Variants in TPST2 observed in about 807,000 individuals in gnomAD.
The protein encoded by TPST2 is tyrosylprotein sulfotransferase 2.
In TPST2, 16 loss-of-function variants were observed where a neutral mutation model predicts 27.8. The observed-to-expected ratio is 0.58, with a 90% confidence interval of 0.39 to 0.88. The LOEUF is 0.88. Ranked by LOEUF, TPST2 falls within the 40% of genes least tolerant of loss-of-function variation. TPST2 has a pLI of 0.00. For missense variants in TPST2, 464 were observed against 543.1 expected (o/e 0.85, Z 1.45); for synonymous variants, 229 against 231.7 (o/e 0.99, Z 0.10).
In TPST2 at chr22:26,532,754, G is replaced by A. The variant is rs1418379337; in HGVS notation, c.1042-9C>T. ...TAGTCCCCTTTCAAGACCTAAGGAA[G>A]AGAAAAAGAAATATCACTATTATGA... On this transcript the variant is annotated splice_polypyrimidine_tract_variant and intron_variant, in intron 4 of 6. Transcript: ENST00000338754. 1 of 1,610,910 alleles carries A rather than the reference G, an allele frequency of 6.2e-7. No homozygotes were observed. The highest frequency in any genetic ancestry group is 8.5e-7 in the Non-Finnish European group (1 of 1,179,084).
At position 26,535,766 on chromosome 22, in the gene TPST2, C is replaced by A. The variant is rs139407626; in HGVS notation, c.1041+522G>T. On this transcript the variant is annotated intron_variant, in intron 4 of 6. Coordinates refer to ENST00000338754, the MANE Select transcript of TPST2 (RefSeq NM_003595.5). The stretch of plus-strand genomic sequence containing the variant: ...CCCAGCTTGGGCAACAGAGCAAGAC[C>A]ATGCCTCAAACAAAACAGTACAAAA... 1,833 of 303,370 alleles carry A rather than the reference C, an allele frequency of 6.0e-3. 13 individuals carry two copies. Among genetic ancestry groups the A allele is most frequent in the Non-Finnish European group, 8.4e-3 (1,309 of 155,586 alleles). The allele number at this position is 303,370 out of a possible 1,614,324, so 18.8% of individuals were successfully genotyped here.
intron 3 of TPST2, among the ~76,000 whole-genome samples, chr22:26,538,151 A>G (rs1170628225): frequency 2.0e-5 from 3 of 152,184 alleles, no homozygotes. Flanking sequence ...TTTCATCCCA[A>G]CTAAGAGGTG....
chr22:26,572,051 C>G (rs1927648879), intron 1 of TPST2, among the ~76,000 whole-genome samples: 1 of 152,120 alleles, frequency 6.6e-6, no homozygotes, highest in Admixed American at 6.5e-5. Context: ...GTGTCATGAT[C>G]AGACCCCTTC....
rs1444850654 is a variant in TPST2 at position 26,540,798 on chromosome 22, G to A, written c.833C>T (p.Ser278Phe). The part of the protein sequence containing the change: ...EDLIGKPGGV[S>F]LSKIERSTDQ... ...CAGGGGCTCCACTCACTTGGACAGGGAGACACCACCGGGCTTGCCAATGAG... is the reference window on the plus strand; with the variant it reads ...CAGGGGCTCCACTCACTTGGACAGGAAGACACCACCGGGCTTGCCAATGAG... Residue 278 changes from serine to phenylalanine, a missense_variant, in exon 3 of 7, where the codon TCC becomes TTC. Ser to Phe is a radical substitution (Grantham distance 155). Coordinates refer to ENST00000338754, the MANE Select transcript of TPST2 (RefSeq NM_003595.5). 3 of 1,587,910 alleles carry A rather than the reference G, an allele frequency of 1.9e-6. No homozygotes were observed. Among genetic ancestry groups the A allele is most frequent in the Non-Finnish European group, 2.6e-6 (3 of 1,163,898 alleles).
At chr22:26,583,436 CAAAAAA>C (rs775047318) in intron 1 of TPST2, among the ~76,000 whole-genome samples, 7 of 63,648 alleles carry the variant, frequency 1.1e-4, no homozygotes, top group African/African-American at 3.3e-4. Context: ...AACTCCATCT[CAAAAAA>C]AAAAAAAAAA....
At chr22:26,582,927 C>T (rs928293720) in intron 1 of TPST2, among the ~76,000 whole-genome samples, 4 of 151,958 alleles carry the variant, frequency 2.6e-5, no homozygotes, top group African/African-American at 7.3e-5. Context: ...TAAGGTGGCA[C>T]GGCACCCTAG....
At chr22:26,558,052 A>AT (rs1255225866) in intron 1 of TPST2, among the ~76,000 whole-genome samples, 2 of 147,768 alleles carry the variant, frequency 1.4e-5, no homozygotes, top group East Asian at 2.0e-4. Flanking sequence ...GTCTCAAAAA[A>AT]ATATATATTT....
At chr22:26,554,669 G>A (rs1475033241) in intron 1 of TPST2, among the ~76,000 whole-genome samples, 2 of 152,244 alleles carry the variant, frequency 1.3e-5, no homozygotes, top group Non-Finnish European at 2.9e-5. Context: ...AACTTGCAGT[G>A]GCTCATGCCT....
In TPST2 at chr22:26,582,148, C is replaced by G. The variant is rs147255398; in HGVS notation, c.-161+7905G>C. 2.3e-3 allele frequency among the ~76,000 whole-genome samples: 347 copies of G among 152,274 alleles called. 2 individuals carry two copies. The highest frequency in any genetic ancestry group is 7.6e-3 in the African/African-American group (316 of 41,554). ...TGCTAATCAGAATGTGCACTTTAGC[C>G]GGGCGCTGTGGCTCACGCCTGTAAT... On this transcript the variant is annotated intron_variant, in intron 1 of 6. Transcript: ENST00000338754.
intron 4 of TPST2, 104 bp downstream of exon 4, chr22:26,536,184 G>A (rs3752523): frequency 0.53 from 711,635 of 1,345,114 alleles, 193,073 homozygotes; most frequent in Non-Finnish European, 0.56. Flanking sequence ...CAGATGACCA[G>A]GAATTGAGAG....
chr22:26,526,972 G>A (rs529560022), intron 6 of TPST2, among the ~76,000 whole-genome samples: 1 of 152,258 alleles, frequency 6.6e-6, no homozygotes, highest in East Asian at 1.9e-4. Flanking sequence ...CAGCTACTTG[G>A]AAGGCTGAGG....
rs575455293 is a variant in TPST2 at position 26,584,700 on chromosome 22, A to C, written c.-161+5353T>G. The stretch of plus-strand genomic sequence containing the variant: ...AACAAAAAAACCCAAAACAAAAAAA[A>C]AAGAAAGATTCTGGATCCAAATCCT... On this transcript the variant is annotated intron_variant, in intron 1 of 6. Transcript: ENST00000338754. Among the ~76,000 whole-genome samples, 13 of 152,288 alleles carry C rather than the reference A, an allele frequency of 8.5e-5. No homozygotes were observed. In the South Asian group the frequency reaches 2.7e-3, roughly 32 times the overall value.
intron 3 of TPST2, among the ~76,000 whole-genome samples, chr22:26,538,504 G>A (rs1381116830): frequency 6.6e-6 from 1 of 152,224 alleles, no homozygotes; most frequent in Non-Finnish European, 1.5e-5. Flanking sequence ...AATCCGTGTA[G>A]CAGCCTGTCG....
At chr22:26,568,904 C>T (rs1418468782) in intron 1 of TPST2, among the ~76,000 whole-genome samples, 3 of 131,752 alleles carry the variant, frequency 2.3e-5, no homozygotes, top group Non-Finnish European at 1.5e-5. Flanking sequence ...CGCTCTGTCT[C>T]CCAGGCTGGA....
Position 26,536,340 on chromosome 22 carries a change from T to C in TPST2, c.989A>G (p.Asn330Ser), listed in dbSNP as rs780324642. The change falls in exon 4 of 7, where the codon AAC (asparagine) becomes AGC (serine). Residue 330 changes from asparagine (N) to serine (S), a missense_variant. By Grantham distance (46) the Asn-to-Ser change is conservative. Coordinates refer to ENST00000338754, the MANE Select transcript of TPST2 (RefSeq NM_003595.5). The part of the protein sequence containing the change: ...LAQLGYDPYA[N>S]PPNYGNPDPF... ...GTCAGGGTTGCCATAGTTGGGGGGG[T>C]TTGCATAAGGGTCATAGCCGAGCTG... 2 of 1,613,814 alleles carry C rather than the reference T, an allele frequency of 1.2e-6. No homozygotes were observed. Among genetic ancestry groups the C allele is most frequent in the Non-Finnish European group, 1.7e-6 (2 of 1,179,936 alleles).
At chr22:26,563,010 A>G (rs948912383) in intron 1 of TPST2, among the ~76,000 whole-genome samples, 1 of 152,162 alleles carries the variant, frequency 6.6e-6, no homozygotes, top group Non-Finnish European at 1.5e-5. Context: ...ACATCTTACA[A>G]TGCCCAGGTA....
rs1053361420 is a variant in TPST2 at position 26,556,184 on chromosome 22, T to C, written c.-160-11509A>G. Among the ~76,000 whole-genome samples the C allele has an allele frequency of 2.0e-5, 3 of 152,312 alleles. No individual in the cohort carries two copies. The East Asian group carries it at 5.8e-4, about 29-fold the overall frequency. On this transcript the variant is annotated intron_variant, in intron 1 of 6. Coordinates refer to ENST00000338754, the MANE Select transcript of TPST2 (RefSeq NM_003595.5). The stretch of plus-strand genomic sequence containing the variant: ...TAAAGCAATCAATAACAAGATCTAG[T>C]AGCAGACAGAATAATCACTGTCATC...
chr22:26,556,205 T>C (rs566563552), intron 1 of TPST2, among the ~76,000 whole-genome samples: 1 of 152,280 alleles, frequency 6.6e-6, no homozygotes, highest in Non-Finnish European at 1.5e-5. Context: ...ATAATCACTG[T>C]CATCTGCAAG....
At chr22:26,573,887 T>C (rs568611381) in intron 1 of TPST2, among the ~76,000 whole-genome samples, 1 of 152,298 alleles carries the variant, frequency 6.6e-6, no homozygotes, top group Admixed American at 6.5e-5. Context: ...GGACAGACTG[T>C]GATATCTTCT....
Sources: gnomAD v4.1 joint callset for allele counts (sites outside exome capture counted in the v4.1 genomes callset) on GRCh38, gnomAD v4.1.1 for gene constraint, MANE v1.5 for transcripts, NCBI Gene and HGNC (gene_info 2026-07-23, HGNC 2026-07-21) for gene names.